The following RSRC1 variants were observed in gnomAD, a reference collection of about 807,000 sequenced individuals.
RSRC1 encodes the protein serine/Arginine-related protein 53.
A neutral mutation model predicts 49.1 loss-of-function variants in RSRC1; 39 were observed. The ratio of observed to expected loss-of-function variants is 0.79; its 90% CI spans 0.61 to 1.04. The LOEUF is 1.04. RSRC1 is among the 50% of genes least tolerant of loss of function. RSRC1 has a pLI of 0.00. For synonymous variants in RSRC1, 143 were observed against 130.8 expected (o/e 1.09, Z -0.63); for missense variants, 388 against 402.4 (o/e 0.96, Z 0.31).
intron 6 of RSRC1, among the ~76,000 whole-genome samples, chr3:158,385,797 A>C (rs1193980608): frequency 6.6e-6 from 1 of 152,142 alleles, no homozygotes; most frequent in East Asian, 1.9e-4. Context: ...ATTCACGAAC[A>C]CCTGATATCT....
At chr3:158,180,845 C>G (rs993953345) in intron 3 of RSRC1, among the ~76,000 whole-genome samples, 1 of 141,186 alleles carries the variant, frequency 7.1e-6, no homozygotes, top group East Asian at 2.2e-4. Flanking sequence ...CGCGCTGTCA[C>G]CCGGGCTGGA....
chr3:158,532,011 A>C (rs1347563990), intron 7 of RSRC1, among the ~76,000 whole-genome samples: 1 of 151,904 alleles, frequency 6.6e-6, no homozygotes, highest in African/African-American at 2.4e-5. Context: ...TCTGTCTTGT[A>C]ACATAAGAAG....
intron 5 of RSRC1, among the ~76,000 whole-genome samples, chr3:158,349,660 T>TA (rs1309268468): frequency 2.0e-5 from 3 of 150,698 alleles, no homozygotes; most frequent in Non-Finnish European, 4.4e-5. Context: ...TTTAAAGACT[T>TA]ACACTAAAAG....
At chr3:158,176,518 G>A (rs893618277) in intron 3 of RSRC1, among the ~76,000 whole-genome samples, 9 of 152,108 alleles carry the variant, frequency 5.9e-5, no homozygotes, top group East Asian at 1.9e-4. Context: ...CCATCTGATC[G>A]TTGACAAGCC....
chr3:158,398,572 G>A (rs77590668), intron 6 of RSRC1, among the ~76,000 whole-genome samples: 2,639 of 152,080 alleles, frequency 0.017, 48 homozygotes, highest in Admixed American at 0.076. Flanking sequence ...TTTGCATTGG[G>A]GATTAAGTTT....
At chr3:158,517,061 G>T (rs578073258) in intron 7 of RSRC1, among the ~76,000 whole-genome samples, 3 of 152,192 alleles carry the variant, frequency 2.0e-5, no homozygotes, top group Non-Finnish European at 2.9e-5. Flanking sequence ...CGTCTTCTGC[G>T]TCGCTCACGC....
chr3:158,487,786 C>A (rs1738874136), intron 7 of RSRC1, among the ~76,000 whole-genome samples: 1 of 151,336 alleles, frequency 6.6e-6, no homozygotes, highest in Non-Finnish European at 1.5e-5. Flanking sequence ...CCCATCTCTA[C>A]TAAAAATACA....
chr3:158,211,088 G>T (rs1287101307), intron 4 of RSRC1, among the ~76,000 whole-genome samples: 1 of 151,972 alleles, frequency 6.6e-6, no homozygotes, highest in East Asian at 1.9e-4. Context: ...GGACTTTTTA[G>T]TAAGTTTCAT....
At chr3:158,328,749 C>T (rs963309478) in intron 5 of RSRC1, among the ~76,000 whole-genome samples, 2 of 152,024 alleles carry the variant, frequency 1.3e-5, no homozygotes, top group South Asian at 2.1e-4. Flanking sequence ...ATCTTTGTGG[C>T]GCTCTCTGTA....
intron 3 of RSRC1, among the ~76,000 whole-genome samples, chr3:158,154,420 T>A (rs1180122582): frequency 2.6e-5 from 4 of 151,988 alleles, no homozygotes; most frequent in Non-Finnish European, 1.5e-5. Context: ...ATGAAAGATT[T>A]CTCTGTAGCA....
rs371680892 is a variant in RSRC1 at position 158,258,349 on chromosome 3, G to T, written c.495-39690G>T. Among the ~76,000 whole-genome samples the T allele has an allele frequency of 4.6e-3, 647 of 139,408 alleles. 11 individuals carry two copies. In the South Asian group the frequency reaches 0.048, roughly 10 times the overall value. The allele number at this position is 139,408 out of a possible 152,430, so 91.5% of individuals were successfully genotyped here. ...AATCTAGGATAAAAGTTTTTTTTTT[G>T]TTGTTGTTGTTTTTCAGAACTTCAT... On this transcript the variant is annotated intron_variant, in intron 4 of 9. Transcript: ENST00000611884.
intron 6 of RSRC1, among the ~76,000 whole-genome samples, chr3:158,429,967 G>C (rs1735686865): frequency 6.6e-6 from 1 of 151,492 alleles, no homozygotes. Context: ...CTGCTGTAAG[G>C]CATGGTACCT....
rs532184155 is a variant in RSRC1 at position 158,239,938 on chromosome 3, C to T, written c.494+36693C>T. ...AGTGCTTGTGCTTTTTTCTAAAAAG[C>T]TTGAATTAGCTTTTCAAGTTCCAAA... On this transcript the variant is annotated intron_variant, in intron 4 of 9. Coordinates refer to ENST00000611884, the MANE Select transcript of RSRC1 (RefSeq NM_001271838.2). Among the ~76,000 whole-genome samples, 10 of 152,068 alleles carry T rather than the reference C, an allele frequency of 6.6e-5. No individual in the cohort carries two copies. The East Asian group carries it at 1.5e-3, about 24-fold the overall frequency.
intron 6 of RSRC1, among the ~76,000 whole-genome samples, chr3:158,367,079 TC>T (rs1213021250): frequency 2.0e-5 from 3 of 152,184 alleles, no homozygotes; most frequent in Non-Finnish European, 2.9e-5. Flanking sequence ...TACAATCATG[TC>T]ATCTGCAAAC....
chr3:158,155,598 C>CTTTTTTTTTTTTTTTTTT (rs34972266), intron 3 of RSRC1, among the ~76,000 whole-genome samples: 1 of 133,958 alleles, frequency 7.5e-6, no homozygotes, highest in Non-Finnish European at 1.6e-5. Flanking sequence ...AGCCTAGCTA[C>CTTTTTTTTTTTTTTTTTT]TTTTTTTTTT....
chr3:158,506,882 A>G (rs1339654884), intron 7 of RSRC1, among the ~76,000 whole-genome samples: 1 of 150,014 alleles, frequency 6.7e-6, no homozygotes, highest in Admixed American at 6.7e-5. Context: ...GTATATGTTT[A>G]TTTTATGTAT....
chr3:158,211,039 A>G (rs1436440756), intron 4 of RSRC1, among the ~76,000 whole-genome samples: 1 of 152,010 alleles, frequency 6.6e-6, no homozygotes, highest in Non-Finnish European at 1.5e-5. Flanking sequence ...GGAATTAGGG[A>G]TATGTGAAGA....
chr3:158,130,575 T>C (rs1230496846), intron 3 of RSRC1, among the ~76,000 whole-genome samples: 1 of 152,214 alleles, frequency 6.6e-6, no homozygotes, highest in African/African-American at 2.4e-5. Flanking sequence ...AATTTATGTT[T>C]CATGTATACC....
At chr3:158,360,692 G>A (rs1386728920) in intron 6 of RSRC1, among the ~76,000 whole-genome samples, 1 of 152,250 alleles carries the variant, frequency 6.6e-6, no homozygotes, top group African/African-American at 2.4e-5. Context: ...ACAGCACCTA[G>A]GCTTGGTCCC....
Sources: allele counts gnomAD v4.1 joint callset (sites outside exome capture counted in the v4.1 genomes callset), GRCh38; gene constraint gnomAD v4.1.1; transcripts MANE v1.5; gene names NCBI Gene and HGNC (gene_info 2026-07-23, HGNC 2026-07-21).